Variants in TCOF1 observed in about 807,000 individuals in gnomAD.
The protein encoded by TCOF1 is treacle ribosome biogenesis factor 1, also known as treacle protein.
TCOF1 carries 33 observed loss-of-function variants against 149.0 expected under a neutral mutation model. The ratio of observed to expected loss-of-function variants is 0.22; its 90% CI spans 0.17 to 0.30. TCOF1 has a LOEUF of 0.30. Among genes scored for constraint, TCOF1 ranks in the 10% least tolerant of loss-of-function variants. The pLI, the probability that TCOF1 is intolerant of heterozygous loss-of-function variation, is 1.00. For missense variants in TCOF1, 1,728 were observed against 1,840.7 expected, an observed-to-expected ratio of 0.94 and a Z score of 1.12; for synonymous variants, 789 against 738.8, an observed-to-expected ratio of 1.07 and a Z score of -1.10.
rs369851022 is a variant in TCOF1, at chr5:150,378,731, A to G, written c.2341-174A>G. Reference sequence around the variant, plus strand: ...TGGGCCTTATTATTATCTCCATTTGATAGAGGACTGAACTGAGGCCCAGTG... The same window carrying G: ...TGGGCCTTATTATTATCTCCATTTGGTAGAGGACTGAACTGAGGCCCAGTG... On this transcript the variant is annotated intron_variant, in intron 14 of 26. Coordinates refer to ENST00000643257, the MANE Select transcript of TCOF1 (RefSeq NM_001371623.1). 2.3e-5 allele frequency: 19 copies of G among 808,780 alleles called. 1 individual carries two copies. The highest frequency in any genetic ancestry group is 1.0e-4 in the African/African-American group (6 of 58,390). The allele number at this position is 808,780 out of a possible 1,614,324, so 50.1% of individuals were successfully genotyped here. A position where few individuals can be genotyped will look rare whatever the true frequency, so the allele number is the denominator to read the frequency against.
Position 150,379,298 on chromosome 5 carries a change from G to T in TCOF1, c.2548G>T (p.Val850Leu). The change falls in exon 16 of 27, where the codon GTG becomes TTG. Residue 850 changes from valine to leucine, a missense_variant. Transcript: ENST00000643257. ...LARGPASVPSVGKAVATAAQA... is the reference protein window; with the variant it reads ...LARGPASVPSLGKAVATAAQA... ...GAGGGGCCCAGCATCTGTGCCATCT[G>T]TGGGGAAGGCCGTGGCTACAGCAGC... The T allele has an allele frequency of 6.2e-6, 10 of 1,614,248 alleles. No individual in the cohort carries two copies. The highest frequency in any genetic ancestry group is 7.6e-6 in the Non-Finnish European group (9 of 1,180,052).
In TCOF1 at chr5:150,396,797, C is replaced by G. The variant is rs1306750761; in HGVS notation, c.4300C>G (p.Gln1434Glu). 6.2e-7 allele frequency: 1 copy of G among 1,609,508 alleles called. No homozygotes were observed. Among genetic ancestry groups the G allele is most frequent in the Non-Finnish European group, 8.5e-7 (1 of 1,178,390 alleles). The stretch of plus-strand genomic sequence containing the variant: ...GATGGGGACGGTTGAAGGTGGAGAT[C>G]AAAGCAACCCAAAGAGCAAGAAGGA... Reference protein sequence around the residue: ...KGMGTVEGGDQSNPKSKKEKK... With the variant: ...KGMGTVEGGDESNPKSKKEKK... The change falls in exon 24 of 27, where the codon CAA becomes GAA. Residue 1434 changes from glutamine to glutamate, a missense_variant. This residue lies in a region of TCOF1 where 1,696 missense variants were observed against 1,765.4 expected (regional missense o/e 0.96). Transcript: ENST00000643257.
chr5:150,375,816 G>C lies in TCOF1; in HGVS notation c.1800G>C (p.Lys600Asn). ...CAGGGCCTGTAGCCGTCCAGGTCAA[G>C]GCTGAAAAGCCCATGGACAACTCGG... is the stretch of plus-strand genomic sequence containing the variant. ...QKAGPVAVQV[K>N]AEKPMDNSES... Residue 600 changes from lysine to asparagine, a missense_variant, in exon 12 of 27, where the codon AAG becomes AAC. Lys to Asn is a moderately conservative substitution (Grantham distance 94). Transcript: ENST00000643257. 1.2e-6 allele frequency: 2 copies of C among 1,614,218 alleles called. No homozygotes were observed. Among genetic ancestry groups the C allele is most frequent in the Non-Finnish European group, 1.7e-6 (2 of 1,180,004 alleles).
At position 150,399,062 on chromosome 5, in the gene TCOF1, C is replaced by T. The variant is rs1270828259; in HGVS notation, c.*14C>T. The stretch of plus-strand genomic sequence containing the variant: ...CAGACTGTATGACGAGCACCAGCAC[C>T]AGGCACAGGTACGCTTCCCAATCAT... On this transcript the variant is annotated 3_prime_UTR_variant, in exon 26 of 27. Coordinates refer to ENST00000643257, the MANE Select transcript of TCOF1 (RefSeq NM_001371623.1). 6.2e-7 allele frequency: 1 copy of T among 1,614,140 alleles called. No individual in the cohort carries two copies. The highest frequency in any genetic ancestry group is 1.3e-5 in the African/African-American group (1 of 74,940).
At chr5:150,382,130 T>C (rs1765341077) in intron 17 of TCOF1, among the ~76,000 whole-genome samples, 1 of 152,008 alleles carries the variant, frequency 6.6e-6, no homozygotes, top group African/African-American at 2.4e-5. Context: ...GGTTGCAGCC[T>C]GGGCAACAGA....
At chr5:150,374,856 C>T (rs1456877745) in intron 9 of TCOF1, 45 bp downstream of exon 9, 2 of 1,608,594 alleles carry the variant, frequency 1.2e-6, no homozygotes, top group African/African-American at 2.7e-5. Context: ...TGCCTAAACC[C>T]CAGCACCTGC....
rs1276924026 is a variant in TCOF1, at chr5:150,366,782, G to A, written c.305-1062G>A. On this transcript the variant is annotated intron_variant, in intron 3 of 26. Coordinates refer to ENST00000643257, the MANE Select transcript of TCOF1 (RefSeq NM_001371623.1). The stretch of plus-strand genomic sequence containing the variant: ...CCATTCTCCTGCCTCAGCCTCCCGA[G>A]TAGCTGGGACTACAGGCGCCCGCCA... Among the ~76,000 whole-genome samples the A allele has an allele frequency of 8.1e-5, 5 of 62,014 alleles. 1 individual carries two copies. Among genetic ancestry groups the A allele is most frequent in the Non-Finnish European group, 1.5e-4 (5 of 33,122 alleles). The allele number at this position is 62,014 out of a possible 152,430, so 40.7% of individuals were successfully genotyped here. A position where few individuals can be genotyped will look rare whatever the true frequency, so the allele number is the denominator to read the frequency against.
rs78830397 is a variant in TCOF1, at chr5:150,395,537, GT to G, written c.3785-732del. 3.1e-3 allele frequency among the ~76,000 whole-genome samples: 439 copies of G among 143,592 alleles called. 2 individuals are homozygous for G. The highest frequency in any genetic ancestry group is 7.1e-3 in the African/African-American group (281 of 39,312). The allele number at this position is 143,592 out of a possible 152,430, so 94.2% of individuals were successfully genotyped here. A position where few individuals can be genotyped will look rare whatever the true frequency, so the allele number is the denominator to read the frequency against. ...GACATTTTAGAGGGGGCTGTGGAAG[GT>G]TTTTTTTTTTTTACACGTGTAGTCA... On this transcript the variant is annotated intron_variant, in intron 23 of 26. Coordinates refer to ENST00000643257, the MANE Select transcript of TCOF1 (RefSeq NM_001371623.1).
Position 150,376,521 on chromosome 5 carries a change from G to T in TCOF1, c.2241G>T (p.Thr747=), listed in dbSNP as rs756383080. The T allele has an allele frequency of 1.2e-6, 2 of 1,612,048 alleles. No individual in the cohort carries two copies. The highest frequency in any genetic ancestry group is 1.7e-6 in the Non-Finnish European group (2 of 1,179,080). ...CTGCTCCAGTACTCCCTGGGAAGAC[G>T]GGGCCTACAGTCACCCAGGTGAAAG... ...QGTAPVLPGK[T]GPTVTQVKAE... The change falls in exon 14 of 27, where the codon ACG becomes ACT. Residue 747 remains threonine, a synonymous_variant. Transcript: ENST00000643257.
intron 23 of TCOF1, chr5:150,393,886 T>G (rs1767921007): frequency 2.8e-6 from 1 of 358,718 alleles, no homozygotes; most frequent in Non-Finnish European, 5.4e-6. Context: ...TGGTGCACGC[T>G]TGTAGTCCCA....
intron 19 of TCOF1, among the ~76,000 whole-genome samples, chr5:150,390,915 A>C (rs955721879): frequency 6.6e-6 from 1 of 152,210 alleles, no homozygotes; most frequent in Non-Finnish European, 1.5e-5. Flanking sequence ...ATAAATAAAA[A>C]GTATTCACCA....
intron 7 of TCOF1, among the ~76,000 whole-genome samples, chr5:150,372,670 G>C (rs1762808573): frequency 6.6e-6 from 1 of 152,298 alleles, no homozygotes; most frequent in East Asian, 1.9e-4. Flanking sequence ...GGAAAGCAAT[G>C]GAAGTCAGAG....
At chr5:150,378,502 T>A (rs1764319057) in intron 14 of TCOF1, 1 of 265,854 alleles carries the variant, frequency 3.8e-6, no homozygotes, top group Non-Finnish European at 7.3e-6. Context: ...TGACCTTTTA[T>A]GGCACTCAAC....
rs773025356 is a variant in TCOF1, at chr5:150,383,029, G to A, written c.2859+3297G>A. ...CCCCTCAGCAAATGCCCCACTCCCC[G>A]ACCACGTGCTTATCCAGGTCTTGTC... On this transcript the variant is annotated intron_variant, in intron 17 of 26. Coordinates refer to ENST00000643257, the MANE Select transcript of TCOF1 (RefSeq NM_001371623.1). 28 of 1,500,868 alleles carry A rather than the reference G, an allele frequency of 1.9e-5. 1 individual carries two copies. In the East Asian group the frequency reaches 2.7e-4, roughly 15 times the overall value. The allele number at this position is 1,500,868 out of a possible 1,614,324, so 93.0% of individuals were successfully genotyped here.
intron 23 of TCOF1, chr5:150,394,220 C>G (rs1441435594): frequency 6.5e-6 from 1 of 154,322 alleles, no homozygotes; most frequent in Admixed American, 6.4e-5. Flanking sequence ...TGTAAATAGG[C>G]TCACGGTGTG....
At chr5:150,372,289 C>G (rs1031996021) in intron 7 of TCOF1, 53 bp downstream of exon 7, 25 of 1,493,904 alleles carry the variant, frequency 1.7e-5, no homozygotes, top group Middle Eastern at 2.4e-4. Flanking sequence ...CCCCCAGCAG[C>G]CTGAGCACTC....
intron 6 of TCOF1, among the ~76,000 whole-genome samples, chr5:150,370,864 T>C (rs916711016): frequency 6.6e-6 from 1 of 152,206 alleles, no homozygotes; most frequent in Non-Finnish European, 1.5e-5. Context: ...GATGAAGTCC[T>C]AGGTAGACAG....
chr5:150,388,186 G>A, intron 18 of TCOF1, 98 bp downstream of exon 18: 1 of 1,534,362 alleles, frequency 6.5e-7, no homozygotes, highest in Non-Finnish European at 8.9e-7. Flanking sequence ...ACATAGCAAG[G>A]TGTTGGTCGG....
chr5:150,378,330 G>A (rs1476799046), intron 14 of TCOF1, among the ~76,000 whole-genome samples: 1 of 152,122 alleles, frequency 6.6e-6, no homozygotes, highest in Non-Finnish European at 1.5e-5. Flanking sequence ...CTATTTGTTG[G>A]AATCCCTGAC....
Sources: allele counts gnomAD v4.1 joint callset (sites outside exome capture counted in the v4.1 genomes callset), GRCh38; gene constraint gnomAD v4.1.1; regional missense constraint gnomAD v4.1.1; transcripts MANE v1.5; gene names NCBI Gene and HGNC (gene_info 2026-07-23, HGNC 2026-07-21).